The following SLCO2B1 variants were observed in gnomAD, a reference collection of about 807,000 sequenced individuals.
The protein encoded by SLCO2B1 is solute carrier organic anion transporter family member 2B1.
SLCO2B1 carries 41 observed loss-of-function variants against 67.3 expected under a neutral mutation model. The observed-to-expected ratio is 0.61, with a 90% CI of 0.47 to 0.79. The LOEUF (loss-of-function observed/expected upper bound fraction) is 0.79, where lower values mean the gene tolerates loss of function less well. SLCO2B1 is among the 30% of genes least tolerant of loss of function. SLCO2B1 has a pLI of 0.00. For missense variants in SLCO2B1, 837 were observed against 920.1 expected (o/e 0.91, Z 1.17); for synonymous variants, 379 against 381.4 (o/e 0.99, Z 0.07).
intron 12 of SLCO2B1, 32 bp from the exon 13 acceptor site, chr11:75,203,275 C>T: frequency 6.2e-7 from 1 of 1,608,898 alleles, no homozygotes; most frequent in Non-Finnish European, 8.5e-7. Flanking sequence ...GACGGTGGGC[C>T]TTCATTGTCC....
Position 75,205,770 on chromosome 11 carries a change from T to C in SLCO2B1, c.*1190T>C, listed in dbSNP as rs1945265670. On this transcript the variant is annotated 3_prime_UTR_variant, in exon 14 of 14. Transcript: ENST00000289575. ...TTCTACATCAGCCCTTGTTTTGTTT[T>C]ATGGCTAGTCTTATCTGGCCTGGTT... The C allele has an allele frequency of 6.6e-6, 1 of 152,270 alleles. No individual in the cohort carries two copies. Among genetic ancestry groups the C allele is most frequent in the African/African-American group, 2.4e-5 (1 of 41,468 alleles). 9.4% of individuals were successfully genotyped at this position (152,270 alleles called of 1,614,324 possible). A position where few individuals can be genotyped will look rare whatever the true frequency, so the allele number is the denominator to read the frequency against.
rs570677258 is a variant in SLCO2B1, at chr11:75,178,430, A to G, written c.972+5861A>G. ...AGCTCTTAAGGGGAAAACTAAGAGA[A>G]AAAGTGCCTTTTTTCTAAACTTGTA... On this transcript the variant is annotated intron_variant, in intron 7 of 13. Coordinates refer to ENST00000289575, the MANE Select transcript of SLCO2B1 (RefSeq NM_007256.5). 2.0e-5 allele frequency among the ~76,000 whole-genome samples: 3 copies of G among 152,340 alleles called. No individual in the cohort carries two copies. In the East Asian group the frequency reaches 5.8e-4, roughly 29 times the overall value.
intron 8 of SLCO2B1, among the ~76,000 whole-genome samples, chr11:75,189,656 T>C (rs1277192097): frequency 6.6e-6 from 1 of 152,008 alleles, no homozygotes; most frequent in African/African-American, 2.4e-5. Flanking sequence ...TCCTAAGATT[T>C]GATGTTGGGG....
At chr11:75,156,002 T>G (rs1335966080) in intron 1 of SLCO2B1, among the ~76,000 whole-genome samples, 2 of 152,078 alleles carry the variant, frequency 1.3e-5, no homozygotes, top group Non-Finnish European at 2.9e-5. Flanking sequence ...CAGACGCAGC[T>G]GGGAGTTGGG....
chr11:75,168,575 C>T (rs1949920604), intron 4 of SLCO2B1, among the ~76,000 whole-genome samples: 1 of 152,186 alleles, frequency 6.6e-6, no homozygotes, highest in Admixed American at 6.5e-5. Context: ...TGACACTGAA[C>T]CCTCCCCCAA....
chr11:75,193,283 G>A lies in SLCO2B1; in HGVS notation c.1141G>A (p.Val381Ile), dbSNP rs375930243. 9 of 1,613,814 alleles carry A rather than the reference G, an allele frequency of 5.6e-6. No homozygotes were observed. In the African/African-American group the frequency reaches 1.2e-4, roughly 22 times the overall value. ...PIFLLVVLSQVCLSSMAAGMA... is the reference protein window; with the variant it reads ...PIFLLVVLSQICLSSMAAGMA... Reference sequence around the variant, plus strand: ...CTTCCTGCTGGTGGTCCTGTCCCAGGTATGCTTGTCATCCATGGCTGCGGG... The same window carrying A: ...CTTCCTGCTGGTGGTCCTGTCCCAGATATGCTTGTCATCCATGGCTGCGGG... The change falls in exon 9 of 14, where the codon GTA (valine) becomes ATA (isoleucine). Residue 381 changes from valine to isoleucine, a missense_variant. Coordinates refer to ENST00000289575, the MANE Select transcript of SLCO2B1 (RefSeq NM_007256.5). This position sits in a 1 kb window ranked among gnomAD's most constrained non-coding sequence, Gnocchi z 4.2.
chr11:75,203,078 C>A, intron 12 of SLCO2B1, 113 bp downstream of exon 12: 1 of 1,194,564 alleles, frequency 8.4e-7, no homozygotes, highest in Non-Finnish European at 1.3e-6. Context: ...TTAGGGCTCA[C>A]AAGCTCATGG....
intron 1 of SLCO2B1, among the ~76,000 whole-genome samples, chr11:75,161,081 G>T (rs1240368533): frequency 6.6e-6 from 1 of 152,166 alleles, no homozygotes; most frequent in Non-Finnish European, 1.5e-5. Flanking sequence ...CCGCTCCTAG[G>T]TGTACACCCA....
At position 75,156,136 on chromosome 11, in the gene SLCO2B1, GA is replaced by G. The variant is rs1460087185; in HGVS notation, c.16+4740del. Among the ~76,000 whole-genome samples, 16 of 152,314 alleles carry G rather than the reference GA, an allele frequency of 1.1e-4. No individual in the cohort carries two copies. The East Asian group carries it at 1.5e-3, about 15-fold the overall frequency. On this transcript the variant is annotated intron_variant, in intron 1 of 13. Transcript: ENST00000289575. Reference sequence around the variant, plus strand: ...TTACAGAGAAGAAAACAGGCTTAGAGAGGCTAAATCAGATGTCTTAGGTCAC... The same window carrying G: ...TTACAGAGAAGAAAACAGGCTTAGAGGGCTAAATCAGATGTCTTAGGTCAC...
chr11:75,153,169 C>T (rs981145147), intron 1 of SLCO2B1, among the ~76,000 whole-genome samples: 3 of 152,226 alleles, frequency 2.0e-5, no homozygotes, highest in Non-Finnish European at 4.4e-5. Flanking sequence ...TGTTTTCCAA[C>T]TCTTCCAAAT....
At position 75,169,321 on chromosome 11, in the gene SLCO2B1, G is replaced by T; in HGVS notation, c.597G>T (p.Leu199=). 6.2e-7 allele frequency: 1 copy of T among 1,614,092 alleles called. No homozygotes were observed. The highest frequency in any genetic ancestry group is 8.5e-7 in the Non-Finnish European group (1 of 1,179,978). Reference sequence around the variant, plus strand: ...TCATGTTCGTGGCACAGACCCTGCTGGGCGTGGGCGGGGTGCCCATTCAGC... The same window carrying T: ...TCATGTTCGTGGCACAGACCCTGCTTGGCGTGGGCGGGGTGCCCATTCAGC... The part of the protein sequence containing the change: ...VGIMFVAQTL[L]GVGGVPIQPF... Residue 199 remains leucine, a synonymous_variant, in exon 5 of 14, where the codon CTG becomes CTT. Transcript: ENST00000289575.
chr11:75,168,718 C>T (rs1347738388), intron 4 of SLCO2B1, among the ~76,000 whole-genome samples: 4 of 152,218 alleles, frequency 2.6e-5, no homozygotes, highest in Non-Finnish European at 5.9e-5. Context: ...ATTCTCCCGG[C>T]ACGGTGCCCT....
intron 7 of SLCO2B1, among the ~76,000 whole-genome samples, chr11:75,177,385 G>C (rs1950038814): frequency 6.6e-6 from 1 of 152,266 alleles, no homozygotes; most frequent in Non-Finnish European, 1.5e-5. Context: ...ATGCCCAAGA[G>C]GCACCATGCA....
rs1341724153 is a variant in SLCO2B1, at chr11:75,151,293, G to T, written c.-89G>T. The T allele has an allele frequency of 1.6e-5, 19 of 1,217,952 alleles. No individual in the cohort carries two copies. Among genetic ancestry groups the T allele is most frequent in the Non-Finnish European group, 2.1e-5 (18 of 839,318 alleles). 75.4% of individuals were successfully genotyped at this position (1,217,952 alleles called of 1,614,324 possible). ...GGCTCACCTGCTGCTGTCTCCAGGAGCCCCTGAGAAGATTTGCTTCCTCTC... is the reference window on the plus strand; with the variant it reads ...GGCTCACCTGCTGCTGTCTCCAGGATCCCCTGAGAAGATTTGCTTCCTCTC... On this transcript the variant is annotated 5_prime_UTR_variant, in exon 1 of 14. Coordinates refer to ENST00000289575, the MANE Select transcript of SLCO2B1 (RefSeq NM_007256.5).
intron 9 of SLCO2B1, 125 bp from the exon 10 acceptor site, chr11:75,196,389 T>C: frequency 1.0e-6 from 1 of 983,042 alleles, no homozygotes; most frequent in Non-Finnish European, 1.5e-6. Flanking sequence ...GCCCTGATGA[T>C]GAAAATCCTC....
At chr11:75,202,811 G>T in intron 11 of SLCO2B1, 90 bp from the exon 12 acceptor site, 1 of 1,115,898 alleles carries the variant, frequency 9.0e-7, no homozygotes, top group South Asian at 1.3e-5. Flanking sequence ...TGGGAGAGAA[G>T]GGCATAATAA....
chr11:75,179,314 C>T (rs1228333782), intron 7 of SLCO2B1, among the ~76,000 whole-genome samples: 1 of 147,922 alleles, frequency 6.8e-6, no homozygotes, highest in East Asian at 2.0e-4. Context: ...TCACTGCAAC[C>T]TCCGCCTCCG....
At position 75,193,675 on chromosome 11, in the gene SLCO2B1, T is replaced by A; in HGVS notation, c.1433+100T>A. The A allele has an allele frequency of 9.2e-7, 1 of 1,086,520 alleles. No homozygotes were observed. Among genetic ancestry groups the A allele is most frequent in the Non-Finnish European group, 1.3e-6 (1 of 768,948 alleles). 67.3% of individuals were successfully genotyped at this position (1,086,520 alleles called of 1,614,324 possible). A position where few individuals can be genotyped will look rare whatever the true frequency, so the allele number is the denominator to read the frequency against. ...CCAGGATGGCAGGGCAACCCCTGCC[T>A]CAAATCTTGCCTCCCCAGTTCTGCT... On this transcript the variant is annotated intron_variant, in intron 9 of 13. Transcript: ENST00000289575. The surrounding 1 kb of genome is among the most constrained non-coding windows in gnomAD (Gnocchi z 4.2).
chr11:75,203,481 C>G (rs1041467714), intron 13 of SLCO2B1, 54 bp downstream of exon 13: 1 of 1,605,450 alleles, frequency 6.2e-7, no homozygotes, highest in Non-Finnish European at 8.5e-7. Flanking sequence ...CTCTCAGAGT[C>G]CCAGGCAGGA....
Sources: gnomAD v4.1 joint callset for allele counts (sites outside exome capture counted in the v4.1 genomes callset) on GRCh38, gnomAD v4.1.1 for gene constraint, Gnocchi (gnomAD v3.1) non-coding constraint, MANE v1.5 for transcripts, NCBI Gene and HGNC (gene_info 2026-07-23, HGNC 2026-07-21) for gene names.